DBX1: variants seen among roughly 807,000 people sequenced by gnomAD.
DBX1 encodes the protein homeobox protein DBX1.
DBX1 carries 10 observed loss-of-function variants against 20.8 expected under a neutral mutation model. The ratio of observed to expected loss-of-function variants is 0.48; its 90% CI spans 0.30 to 0.82. The LOEUF is 0.82. Among genes scored for constraint, DBX1 ranks in the 40% least tolerant of loss-of-function variants. DBX1 has a pLI of 0.07. For missense variants in DBX1, 505 were observed against 468.8 expected, an observed-to-expected ratio of 1.08 and a Z score of -0.71; for synonymous variants, 241 against 213.9, an observed-to-expected ratio of 1.13 and a Z score of -1.11.
Position 20,159,969 on chromosome 11 carries a change from C to G in DBX1, c.356G>C (p.Gly119Ala). Residue 119 changes from glycine to alanine, a missense_variant, in exon 1 of 4, where the codon GGG becomes GCG. Physicochemically the swap from Gly to Ala is moderately conservative, Grantham distance 60 (BLOSUM62 0). Coordinates refer to ENST00000524983, the MANE Select transcript of DBX1 (RefSeq NM_001029865.4). Reference sequence around the variant, plus strand: ...CTGACCTCGCTTACCTGTTCTGGGCCCCGAGGAGAGGATGGCGTTCACTCC... The same window carrying G: ...CTGACCTCGCTTACCTGTTCTGGGCGCCGAGGAGAGGATGGCGTTCACTCC... ...KFGVNAILSS[G>A]PRTETSPALL... 1 of 1,614,008 alleles carries G rather than the reference C, an allele frequency of 6.2e-7. No homozygotes were observed. Among genetic ancestry groups the G allele is most frequent in the Non-Finnish European group, 8.5e-7 (1 of 1,180,006 alleles).
chr11:20,156,740 GC>G lies in DBX1; in HGVS notation c.673-168del. 1 of 1,108,206 alleles carries G rather than the reference GC, an allele frequency of 9.0e-7. No homozygotes were observed. Among genetic ancestry groups the G allele is most frequent in the Non-Finnish European group, 1.4e-6 (1 of 738,590 alleles). The allele number at this position is 1,108,206 out of a possible 1,614,324, so 68.6% of individuals were successfully genotyped here. On this transcript the variant is annotated intron_variant, in intron 3 of 3. Coordinates refer to ENST00000524983, the MANE Select transcript of DBX1 (RefSeq NM_001029865.4). This position sits in a 1 kb window ranked among gnomAD's most constrained non-coding sequence, Gnocchi z 4.8. ...TCCGGTGGATTCCCGCATTGACTCC[GC>G]CCCCGCCTCAGCTCGCGGTTCCGTT...
At chr11:20,157,771 C>T (rs1051583423) in intron 2 of DBX1, among the ~76,000 whole-genome samples, 2 of 152,024 alleles carry the variant, frequency 1.3e-5, no homozygotes, top group Non-Finnish European at 2.9e-5. Context: ...CCCTCCCCCA[C>T]GAAACGTAAA....
chr11:20,159,164 C>G, intron 2 of DBX1, 27 bp downstream of exon 2: 1 of 1,547,088 alleles, frequency 6.5e-7, no homozygotes, highest in Non-Finnish European at 8.9e-7. Flanking sequence ...CGCCCTGCCT[C>G]GCGCAAAGAA....
rs1380412861 is a variant in DBX1 at position 20,160,399 on chromosome 11, C to G, written c.-75G>C. On this transcript the variant is annotated 5_prime_UTR_variant, in exon 1 of 4. Coordinates refer to ENST00000524983, the MANE Select transcript of DBX1 (RefSeq NM_001029865.4). ...AACGCCTCGCTTCCCGCCCCTCCCG[C>G]CCCCACAGTGTCCTCTCTCTTGGGC... The G allele has an allele frequency of 7.0e-7, 1 of 1,436,420 alleles. No homozygotes were observed. Among genetic ancestry groups the G allele is most frequent in the Admixed American group, 2.6e-5 (1 of 38,006 alleles). The allele number at this position is 1,436,420 out of a possible 1,614,324, so 89.0% of individuals were successfully genotyped here.
intron 2 of DBX1, among the ~76,000 whole-genome samples, chr11:20,158,376 T>C (rs2063671285): frequency 6.6e-6 from 1 of 152,164 alleles, no homozygotes; most frequent in East Asian, 1.9e-4. Flanking sequence ...CTTCTCTGTA[T>C]AGGGACTCTC....
intron 2 of DBX1, among the ~76,000 whole-genome samples, chr11:20,157,569 T>C (rs2063666630): frequency 6.6e-6 from 1 of 152,140 alleles, no homozygotes; most frequent in Non-Finnish European, 1.5e-5. Flanking sequence ...AAAAAATAAA[T>C]TACTAAAATA....
In DBX1 at chr11:20,156,836, G is replaced by C. The variant is rs2063660854; in HGVS notation, c.672+201C>G. 2 of 740,140 alleles carry C rather than the reference G, an allele frequency of 2.7e-6. No homozygotes were observed. The highest frequency in any genetic ancestry group is 4.4e-6 in the Non-Finnish European group (2 of 452,536). 45.8% of individuals were successfully genotyped at this position (740,140 alleles called of 1,614,324 possible). On this transcript the variant is annotated intron_variant, in intron 3 of 3. Transcript: ENST00000524983. This position sits in a 1 kb window ranked among gnomAD's most constrained non-coding sequence, Gnocchi z 4.8. ...CCGGTGAGGCCGGGAGAGAAGGCGG[G>C]GAGTCGGGGTGGGGAGAGAAGAGGG...
Position 20,157,248 on chromosome 11 carries a change from TG to T in DBX1, c.470-10del. 9.7e-6 allele frequency: 15 copies of T among 1,550,406 alleles called. No homozygotes were observed. Among genetic ancestry groups the T allele is most frequent in the South Asian group, 1.2e-5 (1 of 85,198 alleles). On this transcript the variant is annotated splice_polypyrimidine_tract_variant and intron_variant, in intron 2 of 3. Coordinates refer to ENST00000524983, the MANE Select transcript of DBX1 (RefSeq NM_001029865.4). ...CACCACGCTGGAGGAAGCTGCAGGGTGGGGGGAGGTGGCGAGTGAGTGGGCG... is the reference window on the plus strand; with the variant it reads ...CACCACGCTGGAGGAAGCTGCAGGGTGGGGGAGGTGGCGAGTGAGTGGGCG...
At position 20,156,612 on chromosome 11, in the gene DBX1, AG is replaced by A. The variant is rs780785656; in HGVS notation, c.673-40del. On this transcript the variant is annotated intron_variant, in intron 3 of 3. Coordinates refer to ENST00000524983, the MANE Select transcript of DBX1 (RefSeq NM_001029865.4). The surrounding 1 kb of genome is among the most constrained non-coding windows in gnomAD (Gnocchi z 4.8). ...GCCGGCGAGAAGAAGGGAGAAGCAGAGGTCAGATCAGGGGCTCCGGGGGACG... is the reference window on the plus strand; with the variant it reads ...GCCGGCGAGAAGAAGGGAGAAGCAGAGTCAGATCAGGGGCTCCGGGGGACG... The A allele has an allele frequency of 3.1e-6, 5 of 1,613,628 alleles. No individual in the cohort carries two copies. The Admixed American group carries it at 8.3e-5, about 27-fold the overall frequency.
chr11:20,159,863 G>C, intron 1 of DBX1, 95 bp downstream of exon 1: 1 of 1,551,364 alleles, frequency 6.4e-7, no homozygotes, highest in Non-Finnish European at 8.9e-7. Context: ...ACCGATGTGT[G>C]TGTGGGGGCC....
chr11:20,159,626 T>TAAA (rs532548286), intron 1 of DBX1, among the ~76,000 whole-genome samples: 54 of 77,058 alleles, frequency 7.0e-4, no homozygotes, highest in African/African-American at 1.8e-3. Context: ...CATATTGAGT[T>TAAA]TAAAAAAAAA....
Position 20,156,702 on chromosome 11 carries a change from C to T in DBX1, c.673-129G>A. 7.3e-7 allele frequency: 1 copy of T among 1,374,322 alleles called. No individual in the cohort carries two copies. The highest frequency in any genetic ancestry group is 1.0e-6 in the Non-Finnish European group (1 of 968,142). The allele number at this position is 1,374,322 out of a possible 1,614,324, so 85.1% of individuals were successfully genotyped here. ...CTTCGGGCTGTGTCCTCTCCCCACCCCCAGAAATGAGTTCCGGTGGATTCC... is the reference window on the plus strand; with the variant it reads ...CTTCGGGCTGTGTCCTCTCCCCACCTCCAGAAATGAGTTCCGGTGGATTCC... On this transcript the variant is annotated intron_variant, in intron 3 of 3. Transcript: ENST00000524983. This position sits in a 1 kb window ranked among gnomAD's most constrained non-coding sequence, Gnocchi z 4.8.
Position 20,156,346 on chromosome 11 carries a change from C to T in DBX1, c.900G>A (p.Leu300=), listed in dbSNP as rs749575037. ...AYHASSDPQH[L]RDPRLPGPLP... Reference sequence around the variant, plus strand: ...GCGGCCCTGGCAGCCGCGGGTCCCGCAGGTGCTGGGGGTCGGAGGACGCGT... The same window carrying T: ...GCGGCCCTGGCAGCCGCGGGTCCCGTAGGTGCTGGGGGTCGGAGGACGCGT... Residue 300 remains leucine, a synonymous_variant, in exon 4 of 4, where the codon CTG becomes CTA. Coordinates refer to ENST00000524983, the MANE Select transcript of DBX1 (RefSeq NM_001029865.4). This position sits in a 1 kb window ranked among gnomAD's most constrained non-coding sequence, Gnocchi z 4.8. 1.1e-5 allele frequency: 17 copies of T among 1,595,364 alleles called. No individual in the cohort carries two copies. The highest frequency in any genetic ancestry group is 1.4e-5 in the Non-Finnish European group (16 of 1,168,946).
Position 20,156,461 on chromosome 11 carries a change from T to A in DBX1, c.785A>T (p.His262Leu). The change falls in exon 4 of 4, where the codon CAC (histidine) becomes CTC (leucine). Residue 262 changes from histidine to leucine, a missense_variant. Physicochemically the swap from His to Leu is moderately conservative, Grantham distance 99. Transcript: ENST00000524983. This position sits in a 1 kb window ranked among gnomAD's most constrained non-coding sequence, Gnocchi z 4.8. ...EQTLPTKLNP[H>L]PDLSDVGQKG... ...CTGGCCCACGTCGCTGAGGTCCGGG[T>A]GCGGATTGAGCTTGGTGGGCAGGGT... The A allele has an allele frequency of 1.1e-5, 17 of 1,612,766 alleles. No individual in the cohort carries two copies. The highest frequency in any genetic ancestry group is 1.4e-5 in the Non-Finnish European group (16 of 1,179,546).
Position 20,156,327 on chromosome 11 carries a change from C to T in DBX1, c.919G>A (p.Gly307Arg). Residue 307 changes from glycine to arginine, a missense_variant, in exon 4 of 4, where the codon GGG becomes AGG. Coordinates refer to ENST00000524983, the MANE Select transcript of DBX1 (RefSeq NM_001029865.4). This position sits in a 1 kb window ranked among gnomAD's most constrained non-coding sequence, Gnocchi z 4.8. ...TGCGCGGGCGAGGGGGGCAGCGGCC[C>T]TGGCAGCCGCGGGTCCCGCAGGTGC... ...PQHLRDPRLP[G>R]PLPPSPAHSS... 1.9e-6 allele frequency: 3 copies of T among 1,579,320 alleles called. No individual in the cohort carries two copies. In the South Asian group the frequency reaches 3.5e-5, roughly 19 times the overall value.
chr11:20,156,311 G>A lies in DBX1; in HGVS notation c.935C>T (p.Ser312Leu), dbSNP rs763778118. Reference sequence around the variant, plus strand: ...CCCGGGACTGCTCGAGTGCGCGGGCGAGGGGGGCAGCGGCCCTGGCAGCCG... The same window carrying A: ...CCCGGGACTGCTCGAGTGCGCGGGCAAGGGGGGCAGCGGCCCTGGCAGCCG... ...DPRLPGPLPP[S>L]PAHSSSPGKP... The change falls in exon 4 of 4, where the codon TCG becomes TTG. Residue 312 changes from serine to leucine, a missense_variant. Ser to Leu is a moderately radical substitution (Grantham distance 145). Coordinates refer to ENST00000524983, the MANE Select transcript of DBX1 (RefSeq NM_001029865.4). The surrounding 1 kb of genome is among the most constrained non-coding windows in gnomAD (Gnocchi z 4.8). The A allele has an allele frequency of 3.2e-6, 5 of 1,564,124 alleles. No individual in the cohort carries two copies. In the East Asian group the frequency reaches 6.7e-5, roughly 21 times the overall value.
In DBX1 at chr11:20,156,322, C is replaced by T. The variant is rs143111791; in HGVS notation, c.924G>A (p.Pro308=). Residue 308 remains proline, a synonymous_variant, in exon 4 of 4, where the codon CCG becomes CCA. Transcript: ENST00000524983. This position sits in a 1 kb window ranked among gnomAD's most constrained non-coding sequence, Gnocchi z 4.8. The part of the protein sequence containing the change: ...QHLRDPRLPG[P]LPPSPAHSSS... ...TCGAGTGCGCGGGCGAGGGGGGCAG[C>T]GGCCCTGGCAGCCGCGGGTCCCGCA... is the stretch of plus-strand genomic sequence containing the variant. The T allele has an allele frequency of 2.6e-3, 4,125 of 1,572,120 alleles. 14 individuals are homozygous for T. The highest frequency in any genetic ancestry group is 0.025 in the Middle Eastern group (143 of 5,794).
intron 2 of DBX1, among the ~76,000 whole-genome samples, chr11:20,158,790 C>G (rs565755013): frequency 2.0e-5 from 3 of 151,788 alleles, no homozygotes; most frequent in Non-Finnish European, 4.4e-5. Flanking sequence ...GGACTAGGGC[C>G]GGTCTGTGTG....
At chr11:20,159,899 G>A in intron 1 of DBX1, 59 bp downstream of exon 1, 2 of 1,612,224 alleles carry the variant, frequency 1.2e-6, no homozygotes, top group South Asian at 2.2e-5. Context: ...ACTGAGGCCA[G>A]GATGACTCCG....
Sources: gnomAD v4.1 joint callset for allele counts (sites outside exome capture counted in the v4.1 genomes callset) on GRCh38, gnomAD v4.1.1 for gene constraint, Gnocchi (gnomAD v3.1) non-coding constraint, MANE v1.5 for transcripts, NCBI Gene and HGNC (gene_info 2026-07-23, HGNC 2026-07-21) for gene names.